The following BRD8 variants were observed in gnomAD, a reference collection of about 807,000 sequenced individuals.
BRD8 encodes bromodomain containing 8, also known as bromodomain-containing protein 8.
In BRD8, 67 loss-of-function variants were observed where a neutral mutation model predicts 143.1. The observed-to-expected ratio is 0.47, with a 90% CI of 0.38 to 0.57. The LOEUF (loss-of-function observed/expected upper bound fraction) is 0.57, where lower values mean the gene tolerates loss of function less well. BRD8 is among the 20% of genes least tolerant of loss of function. BRD8 has a pLI of 0.00. For missense variants in BRD8, 1,103 were observed against 1,503.0 expected (o/e 0.73, Z 4.40); for synonymous variants, 505 against 517.1 (o/e 0.98, Z 0.32).
At chr5:138,161,376 C>T (rs1355182655) in intron 17 of BRD8, 2 of 299,050 alleles carry the variant, frequency 6.7e-6, no homozygotes, top group Non-Finnish European at 1.2e-5. Flanking sequence ...CAGGCTCAAG[C>T]AATCCTTGGT....
chr5:138,158,605 ATT>A (rs769073581), intron 20 of BRD8, among the ~76,000 whole-genome samples: 26 of 136,976 alleles, frequency 1.9e-4, no homozygotes, highest in Admixed American at 2.2e-4. Flanking sequence ...CACCCGGCTA[ATT>A]TTTTTTTTTT....
chr5:138,159,996 A>G lies in BRD8; in HGVS notation c.2532+73T>C, dbSNP rs192459473. 4.9e-5 allele frequency: 55 copies of G among 1,114,564 alleles called. No homozygotes were observed. In the African/African-American group the frequency reaches 6.3e-4, roughly 13 times the overall value. The allele number at this position is 1,114,564 out of a possible 1,614,324, so 69.0% of individuals were successfully genotyped here. A position where few individuals can be genotyped will look rare whatever the true frequency, so the allele number is the denominator to read the frequency against. On this transcript the variant is annotated intron_variant, in intron 19 of 26. Coordinates refer to ENST00000254900, the MANE Select transcript of BRD8 (RefSeq NM_139199.2). ...TAGAAGCCCAATACCAAGTAGTAAC[A>G]TAAGGGTCCTTGGATGCTTCAGACT...
At chr5:138,176,967 A>C (rs1342346216) in intron 2 of BRD8, among the ~76,000 whole-genome samples, 2 of 151,774 alleles carry the variant, frequency 1.3e-5, no homozygotes. Flanking sequence ...GTGCACCTGT[A>C]GTCCCAGCTA....
chr5:138,166,251 C>T (rs763303116), intron 10 of BRD8, 143 bp from the exon 11 acceptor site: 13 of 679,070 alleles, frequency 1.9e-5, no homozygotes, highest in Non-Finnish European at 3.0e-5. Context: ...CCTATGTTTT[C>T]TTCTCCCCAG....
In BRD8 at chr5:138,159,619, C is replaced by CA. The variant is rs780748080; in HGVS notation, c.2533-21dup. 1.2e-6 allele frequency: 2 copies of CA among 1,613,446 alleles called. No homozygotes were observed. Among genetic ancestry groups the CA allele is most frequent in the Admixed American group, 3.3e-5 (2 of 59,976 alleles). On this transcript the variant is annotated intron_variant, in intron 19 of 26. Transcript: ENST00000254900. ...ACTGTCCTGTTAGAGGACAAACAAA[C>CA]ACTGATCAGGTTCCACAGAAACTCT...
chr5:138,167,686 A>G, intron 9 of BRD8: 1 of 426,434 alleles, frequency 2.3e-6, no homozygotes, highest in Non-Finnish European at 4.3e-6. Flanking sequence ...TGCAAGCCCT[A>G]AGAAAGCAGT....
At chr5:138,165,463 T>G (rs1157993640) in intron 11 of BRD8, among the ~76,000 whole-genome samples, 2 of 152,160 alleles carry the variant, frequency 1.3e-5, no homozygotes, top group Non-Finnish European at 2.9e-5. Context: ...TGGTGGCTCA[T>G]GCCTGTAATC....
chr5:138,169,183 C>G (rs935406005), intron 8 of BRD8, 39 bp downstream of exon 8: 1 of 1,604,104 alleles, frequency 6.2e-7, no homozygotes, highest in Admixed American at 1.7e-5. Context: ...GCTTATTGCC[C>G]CTTCACTGAT....
At chr5:138,163,377 A>T in intron 14 of BRD8, 33 bp from the exon 15 acceptor site, 1 of 1,603,804 alleles carries the variant, frequency 6.2e-7, no homozygotes, top group Non-Finnish European at 8.5e-7. Context: ...TAACAAATGC[A>T]AGCAAAGCTA....
Position 138,149,755 on chromosome 5 carries a change from C to T in BRD8, c.3163G>A (p.Val1055Ile). ...QESKGEDQGE[V>I]YVSEMEDQPP... Reference sequence around the variant, plus strand: ...TGGTCTTCCATCTCTGACACATATACTTCACCCTGGTCCTCCCCTTTGGAT... The same window carrying T: ...TGGTCTTCCATCTCTGACACATATATTTCACCCTGGTCCTCCCCTTTGGAT... The change falls in exon 23 of 27, where the codon GTA becomes ATA. Residue 1055 changes from valine to isoleucine, a missense_variant. By Grantham distance (29) the Val-to-Ile change is conservative. This residue lies in a region of BRD8 where 369 missense variants were observed against 445.5 expected (regional missense o/e 0.83). Transcript: ENST00000254900. The T allele has an allele frequency of 1.2e-6, 2 of 1,613,082 alleles. No homozygotes were observed. Among genetic ancestry groups the T allele is most frequent in the Non-Finnish European group, 1.7e-6 (2 of 1,179,650 alleles).
At chr5:138,168,404 TCC>T (rs1753612154) in intron 8 of BRD8, 1 of 1,089,092 alleles carries the variant, frequency 9.2e-7, no homozygotes, top group Non-Finnish European at 1.4e-6. Context: ...ACATTTTAGG[TCC>T]CAGGCACTCC....
intron 2 of BRD8, among the ~76,000 whole-genome samples, chr5:138,176,922 CAAAAAAATA>C (rs1754382058): frequency 6.6e-6 from 1 of 150,666 alleles, no homozygotes; most frequent in East Asian, 2.0e-4. Flanking sequence ...CCCATCTCTA[CAAAAAAATA>C]AAAAAAATTA....
chr5:138,171,010 A>G (rs778228512), intron 5 of BRD8, 28 bp downstream of exon 5: 14 of 1,611,582 alleles, frequency 8.7e-6, no homozygotes, highest in Non-Finnish European at 1.2e-5. Context: ...GTCTTTCTCA[A>G]TTTTTTGGCA....
At chr5:138,149,991 A>C (rs935669145) in intron 22 of BRD8, among the ~76,000 whole-genome samples, 194 bp from the exon 23 acceptor site, 1 of 152,098 alleles carries the variant, frequency 6.6e-6, no homozygotes, top group Non-Finnish European at 1.5e-5. Flanking sequence ...TTGCTGGAGG[A>C]CTTTGACTCT....
At chr5:138,147,285 T>G (rs113054565) in intron 23 of BRD8, among the ~76,000 whole-genome samples, 3,353 of 144,850 alleles carry the variant, frequency 0.023, 123 homozygotes, top group African/African-American at 0.077. Flanking sequence ...AAAAAAGAAA[T>G]CTGCTCTTCA....
At chr5:138,174,363 G>C (rs1472321907) in intron 2 of BRD8, among the ~76,000 whole-genome samples, 2 of 152,154 alleles carry the variant, frequency 1.3e-5, no homozygotes, top group African/African-American at 4.8e-5. Flanking sequence ...GGGAGGCCGA[G>C]GCAGGTGGAT....
Position 138,139,872 on chromosome 5 carries a change from T to C in BRD8, c.*202A>G. Reference sequence around the variant, plus strand: ...GGAACAAAGATGTGGGCAACATTTATGGCATAAATCCAAACCTCAGCTTCC... The same window carrying C: ...GGAACAAAGATGTGGGCAACATTTACGGCATAAATCCAAACCTCAGCTTCC... On this transcript the variant is annotated 3_prime_UTR_variant, in exon 27 of 27. Transcript: ENST00000254900. The C allele has an allele frequency of 1.8e-6, 1 of 541,542 alleles. No homozygotes were observed. Among genetic ancestry groups the C allele is most frequent in the Non-Finnish European group, 3.3e-6 (1 of 306,188 alleles). The allele number at this position is 541,542 out of a possible 1,614,324, so 33.5% of individuals were successfully genotyped here.
chr5:138,178,517 C>T (rs1754548536), intron 1 of BRD8, 79 bp downstream of exon 1: 1 of 1,333,110 alleles, frequency 7.5e-7, no homozygotes, highest in Admixed American at 1.7e-5. Context: ...TCTCCCACTC[C>T]CTAAGCGTGT....
rs561211369 is a variant in BRD8, at chr5:138,140,657, C to T, written c.3615+48G>A. The T allele has an allele frequency of 7.7e-5, 120 of 1,561,880 alleles. 1 individual carries two copies. The South Asian group carries it at 9.8e-4, about 13-fold the overall frequency. On this transcript the variant is annotated intron_variant, in intron 26 of 26. Coordinates refer to ENST00000254900, the MANE Select transcript of BRD8 (RefSeq NM_139199.2). ...TCGAAATCACCTTTATTCTCATAGGCGTTCTGAAATCAAGATTCCAGAGGC... is the reference window on the plus strand; with the variant it reads ...TCGAAATCACCTTTATTCTCATAGGTGTTCTGAAATCAAGATTCCAGAGGC...
Sources: allele counts gnomAD v4.1 joint callset (sites outside exome capture counted in the v4.1 genomes callset), GRCh38; gene constraint gnomAD v4.1.1; regional missense constraint gnomAD v4.1.1; transcripts MANE v1.5; gene names NCBI Gene and HGNC (gene_info 2026-07-23, HGNC 2026-07-21).